Variants in DENND1B observed in about 807,000 individuals in gnomAD.
The protein encoded by DENND1B is DENN domain-containing protein 1B.
Under a neutral mutation model 90.1 loss-of-function variants are expected in DENND1B, and 59 were observed. The observed-to-expected ratio is 0.65, with a 90% CI of 0.53 to 0.81. DENND1B has a LOEUF of 0.81. DENND1B is among the 40% of genes least tolerant of loss of function. The probability of loss-of-function intolerance (pLI) is 0.00; values close to 1 mark genes in which losing one functional copy is unlikely to be tolerated. For missense variants in DENND1B, 862 were observed against 912.6 expected (o/e 0.94, Z 0.71); for synonymous variants, 337 against 324.6 (o/e 1.04, Z -0.41).
At chr1:197,576,725 G>T (rs1673720292) in intron 15 of DENND1B, among the ~76,000 whole-genome samples, 1 of 151,956 alleles carries the variant, frequency 6.6e-6, no homozygotes, top group South Asian at 2.1e-4. Context: ...CTGCCATGGG[G>T]GGCACTTTTT....
chr1:197,510,983 G>A lies in DENND1B; in HGVS notation c.1816-11C>T, dbSNP rs1667989004. ...AGCATTAGATTTATTCTGAAAAAAA[G>A]AAGAAACAACAAACTCAGAAAACTT... On this transcript the variant is annotated splice_polypyrimidine_tract_variant and intron_variant, in intron 22 of 22. Coordinates refer to ENST00000620048, the MANE Select transcript of DENND1B (RefSeq NM_001195215.2). The A allele has an allele frequency of 6.8e-7, 1 of 1,478,428 alleles. No homozygotes were observed. The highest frequency in any genetic ancestry group is 9.0e-7 in the Non-Finnish European group (1 of 1,113,698). The allele number at this position is 1,478,428 out of a possible 1,614,324, so 91.6% of individuals were successfully genotyped here.
intron 13 of DENND1B, chr1:197,605,356 T>A (rs1676576930): frequency 6.6e-6 from 1 of 150,966 alleles, no homozygotes; most frequent in Non-Finnish European, 1.5e-5. Context: ...CTTTTCAATT[T>A]AAAAAAGAAT....
At chr1:197,602,943 C>T (rs1676336245) in intron 13 of DENND1B, among the ~76,000 whole-genome samples, 1 of 151,230 alleles carries the variant, frequency 6.6e-6, no homozygotes, top group African/African-American at 2.4e-5. Context: ...TTAATGCACT[C>T]CTTCTTATGA....
At chr1:197,673,289 G>T (rs541901079) in intron 4 of DENND1B, among the ~76,000 whole-genome samples, 4 of 152,034 alleles carry the variant, frequency 2.6e-5, no homozygotes, top group African/African-American at 9.6e-5. Flanking sequence ...TAGGGGTAGG[G>T]CAATGATTCC....
At chr1:197,773,935 C>T (rs1656929321) in intron 1 of DENND1B, among the ~76,000 whole-genome samples, 1 of 152,132 alleles carries the variant, frequency 6.6e-6, no homozygotes, top group South Asian at 2.1e-4. Context: ...GAAACGAATG[C>T]CAGCTCTGAC....
intron 2 of DENND1B, among the ~76,000 whole-genome samples, chr1:197,759,932 T>C (rs1178173743): frequency 6.6e-6 from 1 of 152,106 alleles, no homozygotes; most frequent in African/African-American, 2.4e-5. Context: ...ATAATTTTTG[T>C]GTTTTGACCA....
At position 197,775,283 on chromosome 1, in the gene DENND1B, A is replaced by T; in HGVS notation, c.-128T>A. 1.4e-6 allele frequency: 1 copy of T among 720,678 alleles called. No homozygotes were observed. The highest frequency in any genetic ancestry group is 1.9e-6 in the Non-Finnish European group (1 of 521,200). The allele number at this position is 720,678 out of a possible 1,614,324, so 44.6% of individuals were successfully genotyped here. On this transcript the variant is annotated 5_prime_UTR_variant, in exon 1 of 23. An upstream open reading frame in the 5' UTR loses its in-frame stop. Coordinates refer to ENST00000620048, the MANE Select transcript of DENND1B (RefSeq NM_001195215.2). ...GGCCACACAGGGAAAGAGGCTGCTCACAGCAGCCGTGGCGGCGGGCCCATG... is the reference window on the plus strand; with the variant it reads ...GGCCACACAGGGAAAGAGGCTGCTCTCAGCAGCCGTGGCGGCGGGCCCATG...
At chr1:197,777,088 T>C (rs1010597135), upstream of DENND1B, among the ~76,000 whole-genome samples, 21 of 151,148 alleles carry the variant, frequency 1.4e-4, no homozygotes, top group Non-Finnish European at 3.0e-5. Flanking sequence ...GTGACCATAC[T>C]CCAAAGCCTT....
intron 18 of DENND1B, among the ~76,000 whole-genome samples, chr1:197,544,178 TGAG>T (rs1670545874): frequency 6.6e-6 from 1 of 152,200 alleles, no homozygotes; most frequent in Admixed American, 6.5e-5. Flanking sequence ...TGTGTAGGGT[TGAG>T]AAGACAAAAA....
At chr1:197,770,053 ATTAC>A (rs1024161372) in intron 2 of DENND1B, among the ~76,000 whole-genome samples, 78 of 152,238 alleles carry the variant, frequency 5.1e-4, no homozygotes, top group African/African-American at 1.8e-3. Flanking sequence ...GATTATAGTT[ATTAC>A]TTGTTAGATC....
chr1:197,781,536 C>T, the DENND1B span, among the ~76,000 whole-genome samples: 1 of 152,102 alleles, frequency 6.6e-6, no homozygotes, highest in Non-Finnish European at 1.5e-5. Context: ...GGCATGTTGT[C>T]CTTTTTATAC....
At chr1:197,555,170 T>TA (rs914303145) in intron 15 of DENND1B, among the ~76,000 whole-genome samples, 2 of 151,632 alleles carry the variant, frequency 1.3e-5, no homozygotes, top group Non-Finnish European at 2.9e-5. Flanking sequence ...CAAGATATAT[T>TA]AAAAAAAATT....
chr1:197,697,478 C>A (rs1427654253), intron 3 of DENND1B, among the ~76,000 whole-genome samples: 1 of 151,738 alleles, frequency 6.6e-6, no homozygotes, highest in Non-Finnish European at 1.5e-5. Flanking sequence ...GTGTCCTCCA[C>A]TCTCACCCTA....
At chr1:197,587,603 G>T (rs4915243) in intron 14 of DENND1B, among the ~76,000 whole-genome samples, 145,775 of 152,206 alleles carry the variant, frequency 0.96, 70,104 homozygotes, top group South Asian at 1. Context: ...TCTGGAGGTC[G>T]GGGACTAAAT....
At chr1:197,778,963 A>G (rs558969183), upstream of DENND1B, among the ~76,000 whole-genome samples, 6 of 152,180 alleles carry the variant, frequency 3.9e-5, no homozygotes, top group Non-Finnish European at 7.4e-5. Context: ...CTCAAACAAT[A>G]CAAGAACCTC....
chr1:197,629,026 A>T (rs963324974), intron 10 of DENND1B, among the ~76,000 whole-genome samples: 2 of 152,124 alleles, frequency 1.3e-5, no homozygotes, highest in Non-Finnish European at 2.9e-5. Context: ...GTCAGGAAAC[A>T]ACAGGTGCTG....
At chr1:197,770,649 T>TAC (rs1440520708) in intron 2 of DENND1B, among the ~76,000 whole-genome samples, 21 of 143,302 alleles carry the variant, frequency 1.5e-4, no homozygotes, top group Middle Eastern at 3.6e-3. Flanking sequence ...TATCTATAAA[T>TAC]ATATATCTAT....
chr1:197,519,229 A>ATAAGTT (rs1668604307), intron 20 of DENND1B, among the ~76,000 whole-genome samples: 1 of 151,972 alleles, frequency 6.6e-6, no homozygotes, highest in African/African-American at 2.4e-5. Flanking sequence ...AATATGAGTC[A>ATAAGTT]TAAGTTTATT....
At chr1:197,607,220 T>C (rs75687955) in intron 12 of DENND1B, 46 bp from the exon 13 acceptor site, 13,338 of 1,315,744 alleles carry the variant, frequency 0.01, 135 homozygotes, top group Middle Eastern at 0.037. Flanking sequence ...ATATTTACTT[T>C]ACAAAGTTAT....
Sources: gnomAD v4.1 joint callset for allele counts (sites outside exome capture counted in the v4.1 genomes callset) on GRCh38, gnomAD v4.1.1 for gene constraint, MANE v1.5 for transcripts, NCBI Gene and HGNC (gene_info 2026-07-23, HGNC 2026-07-21) for gene names.